DNAH14: variants seen among roughly 807,000 people sequenced by gnomAD.
DNAH14 encodes the protein axonemal beta dynein heavy chain 14.
Under a neutral mutation model 520.9 loss-of-function variants are expected in DNAH14, and 478 were observed. The observed-to-expected ratio is 0.92, with a 90% confidence interval of 0.85 to 0.99. The LOEUF is 0.99. Among genes scored for constraint, DNAH14 ranks in the 50% least tolerant of loss-of-function variants. DNAH14 has a pLI of 0.00. For missense variants in DNAH14, 4,831 were observed against 5,234.5 expected (o/e 0.92, Z 2.38); for synonymous variants, 1,581 against 1,757.2 (o/e 0.90, Z 2.51).
chr1:225,362,694 T>C (rs977644617), intron 75 of DNAH14, among the ~76,000 whole-genome samples: 19 of 151,838 alleles, frequency 1.3e-4, no homozygotes, highest in African/African-American at 4.4e-4. Context: ...TCCAAAAGGC[T>C]ACTATCAAAA....
rs192302416 is a variant in DNAH14, at chr1:225,357,836, A to G, written c.11620-660A>G. On this transcript the variant is annotated intron_variant, in intron 73 of 85. Coordinates refer to ENST00000682510, the MANE Select transcript of DNAH14 (RefSeq NM_001367479.1). ...GTCCCAGATGTTGAACATGTTCAGG[A>G]CATATTTTATGGTCATTGTGTAGAC... 3.7e-4 allele frequency: 263 copies of G among 702,116 alleles called. 3 individuals carry two copies. In the East Asian group the frequency reaches 6.4e-3, roughly 17 times the overall value. The allele number at this position is 702,116 out of a possible 1,614,324, so 43.5% of individuals were successfully genotyped here.
At chr1:225,063,015 A>G (rs1558834813) in intron 17 of DNAH14, among the ~76,000 whole-genome samples, 1 of 152,176 alleles carries the variant, frequency 6.6e-6, no homozygotes, top group Non-Finnish European at 1.5e-5. Flanking sequence ...AAATAAATGG[A>G]AACAGAAATG....
At chr1:225,065,097 T>C (rs1311963687) in intron 17 of DNAH14, among the ~76,000 whole-genome samples, 1 of 152,096 alleles carries the variant, frequency 6.6e-6, no homozygotes, top group Admixed American at 6.6e-5. Flanking sequence ...CTTAATTTTA[T>C]TTTTTGTCTT....
chr1:225,137,211 A>C (rs544374533), intron 27 of DNAH14, among the ~76,000 whole-genome samples: 88 of 152,306 alleles, frequency 5.8e-4, no homozygotes, highest in Admixed American at 1.8e-3. Context: ...GAGGAGAAGC[A>C]CACTGGCTTT....
chr1:225,108,847 G>A (rs2076282305), intron 23 of DNAH14, among the ~76,000 whole-genome samples: 1 of 152,116 alleles, frequency 6.6e-6, no homozygotes, highest in Admixed American at 6.5e-5. Context: ...AATAGTTTGA[G>A]GTCTCAGATT....
chr1:225,104,888 A>G (rs1240919420), intron 23 of DNAH14, among the ~76,000 whole-genome samples: 2 of 151,908 alleles, frequency 1.3e-5, no homozygotes, highest in Non-Finnish European at 2.9e-5. Context: ...TATGTCCTTC[A>G]GTTCTGCTCT....
At chr1:225,144,704 A>G in intron 29 of DNAH14, 76 bp downstream of exon 29, 1 of 1,155,290 alleles carries the variant, frequency 8.7e-7, no homozygotes, top group Non-Finnish European at 1.2e-6. Context: ...TCTTAAATTT[A>G]CACCATTCCT....
At chr1:224,931,939 A>G (rs1010625141) in intron 1 of DNAH14, among the ~76,000 whole-genome samples, 1 of 152,112 alleles carries the variant, frequency 6.6e-6, no homozygotes, top group Non-Finnish European at 1.5e-5. Flanking sequence ...TTCCTTTTAT[A>G]TATTGATTTC....
At chr1:224,949,431 G>A (rs1186040001) in intron 1 of DNAH14, among the ~76,000 whole-genome samples, 1 of 151,892 alleles carries the variant, frequency 6.6e-6, no homozygotes. Flanking sequence ...TGAAACTGAA[G>A]GTTTATGTCT....
rs2095146684 is a variant in DNAH14, at chr1:225,340,056, A to AT, written c.10434-401_10434-400insT. 5.0e-5 allele frequency among the ~76,000 whole-genome samples: 5 copies of AT among 99,730 alleles called. No individual in the cohort carries two copies. The South Asian group carries it at 1.5e-3, about 29-fold the overall frequency. The allele number at this position is 99,730 out of a possible 152,430, so 65.4% of individuals were successfully genotyped here. A position where few individuals can be genotyped will look rare whatever the true frequency, so the allele number is the denominator to read the frequency against. On this transcript the variant is annotated intron_variant, in intron 68 of 85. Transcript: ENST00000682510. ...GTAGCTTTACTTCTAAAGCTATTGA[A>AT]ATTTTTTTTTAAATGATAGCTGCTA...
intron 4 of DNAH14, 26 bp downstream of exon 4, chr1:224,960,328 C>A: frequency 6.7e-7 from 1 of 1,503,632 alleles, no homozygotes; most frequent in South Asian, 1.4e-5. Context: ...GAACCAATTG[C>A]TTAGAAATCA....
intron 46 of DNAH14, among the ~76,000 whole-genome samples, chr1:225,260,639 T>C (rs891256742): frequency 6.6e-6 from 1 of 152,106 alleles, no homozygotes; most frequent in African/African-American, 2.4e-5. Flanking sequence ...TTGCTTTGGC[T>C]ATTCGGGATC....
chr1:225,369,479 C>CAT (rs59948265), intron 77 of DNAH14, among the ~76,000 whole-genome samples: 18 of 150,326 alleles, frequency 1.2e-4, no homozygotes, highest in Non-Finnish European at 2.1e-4. Context: ...CATATTGTAG[C>CAT]ATATATATAT....
At chr1:225,116,961 G>A (rs946920286) in intron 23 of DNAH14, among the ~76,000 whole-genome samples, 1 of 152,152 alleles carries the variant, frequency 6.6e-6, no homozygotes, top group African/African-American at 2.4e-5. Context: ...GAGAAGACAA[G>A]CAAGTAGACA....
intron 2 of DNAH14, 22 bp from the exon 3 acceptor site, chr1:224,954,937 A>G: frequency 6.5e-7 from 1 of 1,546,178 alleles, no homozygotes; most frequent in Non-Finnish European, 8.8e-7. Context: ...ATTTTCTTAG[A>G]ATTGTTTTCT....
chr1:225,085,340 G>A (rs949213829), intron 20 of DNAH14, among the ~76,000 whole-genome samples: 5 of 152,260 alleles, frequency 3.3e-5, no homozygotes, highest in South Asian at 2.1e-4. Flanking sequence ...TATGAAAAAC[G>A]TGAAATAGGA....
At chr1:225,129,515 A>G (rs12074477) in intron 27 of DNAH14, among the ~76,000 whole-genome samples, 6,585 of 152,172 alleles carry the variant, frequency 0.043, 406 homozygotes, top group African/African-American at 0.14. Context: ...ATAATGCCGC[A>G]TATCTACAAC....
intron 37 of DNAH14, among the ~76,000 whole-genome samples, chr1:225,190,437 A>C (rs190169969): frequency 6.6e-6 from 1 of 152,024 alleles, no homozygotes; most frequent in Admixed American, 6.6e-5. Flanking sequence ...GTAACTACTC[A>C]AAATAGCATG....
At chr1:225,099,263 A>G (rs1003017091) in intron 22 of DNAH14, among the ~76,000 whole-genome samples, 3 of 152,134 alleles carry the variant, frequency 2.0e-5, no homozygotes, top group Admixed American at 1.3e-4. Context: ...CTTGACATGT[A>G]TTTCCCTAGA....
Sources: gnomAD v4.1 joint callset for allele counts (sites outside exome capture counted in the v4.1 genomes callset) on GRCh38, gnomAD v4.1.1 for gene constraint, MANE v1.5 for transcripts, NCBI Gene and HGNC (gene_info 2026-07-23, HGNC 2026-07-21) for gene names.